The following SLC22A23 variants were observed in gnomAD, a reference collection of about 807,000 sequenced individuals.
The protein encoded by SLC22A23 is ion transporter protein.
In SLC22A23, 26 loss-of-function variants were observed where a neutral mutation model predicts 61.0. That is an observed-to-expected ratio of 0.43 (90% confidence interval 0.31 to 0.59). The LOEUF (loss-of-function observed/expected upper bound fraction) is 0.59, where lower values mean the gene tolerates loss of function less well. Among genes scored for constraint, SLC22A23 ranks in the 20% least tolerant of loss-of-function variants. SLC22A23 has a pLI of 0.11. For missense variants in SLC22A23, 796 were observed against 934.7 expected (o/e 0.85, Z 1.94); for synonymous variants, 430 against 413.9 (o/e 1.04, Z -0.47).
chr6:3,401,170 C>G (rs544925662), intron 3 of SLC22A23, among the ~76,000 whole-genome samples: 4 of 152,152 alleles, frequency 2.6e-5, no homozygotes, highest in Non-Finnish European at 5.9e-5. Context: ...GGCAAAACCC[C>G]GTCTCTACTA....
chr6:3,337,746 G>A (rs1489224433), intron 3 of SLC22A23, among the ~76,000 whole-genome samples: 5 of 152,194 alleles, frequency 3.3e-5, no homozygotes, highest in South Asian at 2.1e-4. Context: ...GGTGATCCAC[G>A]AGGACTCCCT....
chr6:3,302,828 T>C (rs964574153), intron 4 of SLC22A23: 6 of 152,210 alleles, frequency 3.9e-5, no homozygotes, highest in African/African-American at 1.4e-4. Flanking sequence ...TAAAAATTTT[T>C]TGAGACTTGT....
At chr6:3,455,643 C>T (rs928821328) in intron 1 of SLC22A23, among the ~76,000 whole-genome samples, 6 of 152,242 alleles carry the variant, frequency 3.9e-5, no homozygotes, top group African/African-American at 1.4e-4. Flanking sequence ...AGCTGCCTCG[C>T]CCCGAGGGTG....
At chr6:3,303,709 A>G (rs1761778873) in intron 4 of SLC22A23, among the ~76,000 whole-genome samples, 1 of 152,198 alleles carries the variant, frequency 6.6e-6, no homozygotes. Context: ...GGTAGGGGGA[A>G]GGGAGAAATA....
intron 6 of SLC22A23, among the ~76,000 whole-genome samples, chr6:3,288,090 C>T (rs1026040260): frequency 1.3e-5 from 2 of 152,164 alleles, no homozygotes; most frequent in African/African-American, 4.8e-5. Context: ...ACGTGTCTGC[C>T]CTGAAAACAG....
At chr6:3,366,354 A>G (rs867167727) in intron 3 of SLC22A23, among the ~76,000 whole-genome samples, 5 of 78,486 alleles carry the variant, frequency 6.4e-5, no homozygotes, top group African/African-American at 2.0e-4. Flanking sequence ...AAAAAAAAAA[A>G]AAAGAAAGAA....
At position 3,410,176 on chromosome 6, in the gene SLC22A23, G is replaced by C; in HGVS notation, c.913+12C>G. 6.2e-7 allele frequency: 1 copy of C among 1,602,614 alleles called. No individual in the cohort carries two copies. Among genetic ancestry groups the C allele is most frequent in the Non-Finnish European group, 8.5e-7 (1 of 1,175,458 alleles). ...AATTCTTTCAAGACTAGTCGTGAAG[G>C]CTCCTACTTACGTAAAGCATACAAG... On this transcript the variant is annotated intron_variant, in intron 3 of 9. Coordinates refer to ENST00000406686, the MANE Select transcript of SLC22A23 (RefSeq NM_015482.2). This position sits in a 1 kb window ranked among gnomAD's most constrained non-coding sequence, Gnocchi z 5.0.
rs1374148098 is a variant in SLC22A23, at chr6:3,456,329, C to T, written c.231G>A (p.Leu77=). The change falls in exon 1 of 10, where the codon TTG becomes TTA. Residue 77 remains leucine (L), a synonymous_variant. Coordinates refer to ENST00000406686, the MANE Select transcript of SLC22A23 (RefSeq NM_015482.2). The surrounding 1 kb of genome is among the most constrained non-coding windows in gnomAD (Gnocchi z 7.1). Reference sequence around the variant, plus strand: ...GCAGCACCGACCCGTCATAGTCCAGCAACAAGAGGCTCGGGGCCGCAGCCG... The same window carrying T: ...GCAGCACCGACCCGTCATAGTCCAGTAACAAGAGGCTCGGGGCCGCAGCCG... ...CSAAAAPSLL[L]LDYDGSVLPF... 6.5e-7 allele frequency: 1 copy of T among 1,550,130 alleles called. No homozygotes were observed. Among genetic ancestry groups the T allele is most frequent in the Non-Finnish European group, 8.7e-7 (1 of 1,146,620 alleles).
At chr6:3,438,856 A>T (rs1396543539) in intron 1 of SLC22A23, among the ~76,000 whole-genome samples, 1 of 152,174 alleles carries the variant, frequency 6.6e-6, no homozygotes, top group African/African-American at 2.4e-5. Flanking sequence ...CTTTCTTCAC[A>T]GAGGGCAGGG....
chr6:3,402,869 C>T (rs1768527177), intron 3 of SLC22A23, among the ~76,000 whole-genome samples: 1 of 152,260 alleles, frequency 6.6e-6, no homozygotes. Flanking sequence ...TGTCCATCCC[C>T]TGGCACCCGA....
At chr6:3,397,989 G>T (rs1348631075) in intron 3 of SLC22A23, among the ~76,000 whole-genome samples, 1 of 152,258 alleles carries the variant, frequency 6.6e-6, no homozygotes, top group African/African-American at 2.4e-5. Context: ...CCCATGTAGT[G>T]AGGGTAGTCA....
rs1484404511 is a variant in SLC22A23 at position 3,322,517 on chromosome 6, T to C, written c.1082+1317A>G. On this transcript the variant is annotated intron_variant, in intron 4 of 9. Coordinates refer to ENST00000406686, the MANE Select transcript of SLC22A23 (RefSeq NM_015482.2). The surrounding 1 kb of genome is among the most constrained non-coding windows in gnomAD (Gnocchi z 4.1). Reference sequence around the variant, plus strand: ...GGACATCCAACTTCGGGACAAGAGCTGGAGGCGGCCCCAGGAGAGGAGCTC... The same window carrying C: ...GGACATCCAACTTCGGGACAAGAGCCGGAGGCGGCCCCAGGAGAGGAGCTC... 6.6e-6 allele frequency among the ~76,000 whole-genome samples: 1 copy of C among 152,208 alleles called. No homozygotes were observed. The highest frequency in any genetic ancestry group is 6.5e-5 in the Admixed American group (1 of 15,282).
At chr6:3,434,379 G>T (rs1771068362) in intron 1 of SLC22A23, among the ~76,000 whole-genome samples, 1 of 151,644 alleles carries the variant, frequency 6.6e-6, no homozygotes, top group Admixed American at 6.6e-5. Context: ...ACTTTGGGAG[G>T]GCGGGTGGAT....
chr6:3,420,857 C>G (rs1405805911), intron 1 of SLC22A23, among the ~76,000 whole-genome samples: 1 of 152,116 alleles, frequency 6.6e-6, no homozygotes, highest in Non-Finnish European at 1.5e-5. Context: ...ATAATCCCAG[C>G]ACTTTTGGAG....
At chr6:3,406,178 A>C (rs557427075) in intron 3 of SLC22A23, among the ~76,000 whole-genome samples, 1 of 152,328 alleles carries the variant, frequency 6.6e-6, no homozygotes, top group Non-Finnish European at 1.5e-5. Flanking sequence ...GGTAGAGATC[A>C]AGTTAGAAGA....
In SLC22A23 at chr6:3,324,216, A is replaced by G. The variant is rs142695658; in HGVS notation, c.914-214T>C. 1,069 of 592,726 alleles carry G rather than the reference A, an allele frequency of 1.8e-3. 12 individuals are homozygous for G. The highest frequency in any genetic ancestry group is 0.016 in the African/African-American group (879 of 53,924). The allele number at this position is 592,726 out of a possible 1,614,324, so 36.7% of individuals were successfully genotyped here. On this transcript the variant is annotated intron_variant, in intron 3 of 9. Coordinates refer to ENST00000406686, the MANE Select transcript of SLC22A23 (RefSeq NM_015482.2). This position sits in a 1 kb window ranked among gnomAD's most constrained non-coding sequence, Gnocchi z 4.3. ...GGAAGTGAGACGGTTGTTCAAGGCC[A>G]CAGGGCTAGTCGATGACGAAGGGAT...
At chr6:3,371,521 C>A (rs547594844) in intron 3 of SLC22A23, among the ~76,000 whole-genome samples, 1 of 152,116 alleles carries the variant, frequency 6.6e-6, no homozygotes, top group Admixed American at 6.5e-5. Flanking sequence ...GGCCAGTAGG[C>A]GGGGGCTTAG....
intron 3 of SLC22A23, among the ~76,000 whole-genome samples, chr6:3,355,204 C>G (rs548518307): frequency 1.5e-4 from 23 of 152,030 alleles, no homozygotes; most frequent in South Asian, 1.0e-3. Flanking sequence ...AAAAGTCTCC[C>G]TCCAAATACT....
intron 1 of SLC22A23, among the ~76,000 whole-genome samples, chr6:3,442,123 G>A (rs939859101): frequency 2.6e-5 from 4 of 152,158 alleles, no homozygotes; most frequent in African/African-American, 7.2e-5. Flanking sequence ...GCTCACACAC[G>A]CTACCACATG....
Sources: gnomAD v4.1 joint callset for allele counts (sites outside exome capture counted in the v4.1 genomes callset) on GRCh38, gnomAD v4.1.1 for gene constraint, Gnocchi (gnomAD v3.1) non-coding constraint, MANE v1.5 for transcripts, NCBI Gene and HGNC (gene_info 2026-07-23, HGNC 2026-07-21) for gene names.